The following LRRC4C variants were observed in gnomAD, a reference collection of about 807,000 sequenced individuals.
LRRC4C encodes leucine rich repeat containing 4C.
LRRC4C carries 5 observed loss-of-function variants against 33.6 expected under a neutral mutation model. The ratio of observed to expected loss-of-function variants is 0.15; its 90% CI spans 0.08 to 0.31. The LOEUF (loss-of-function observed/expected upper bound fraction) is 0.31. LRRC4C is among the 10% of genes least tolerant of loss of function. LRRC4C has a pLI of 1.00. For missense variants in LRRC4C, 560 were observed against 796.7 expected, an observed-to-expected ratio of 0.70 and a Z score of 3.58; for synonymous variants, 329 against 302.0, an observed-to-expected ratio of 1.09 and a Z score of -0.93.
intron 3 of LRRC4C, among the ~76,000 whole-genome samples, chr11:40,455,443 A>G (rs1280346907): frequency 6.6e-6 from 1 of 152,128 alleles, no homozygotes; most frequent in Non-Finnish European, 1.5e-5. Flanking sequence ...AATATTCCCA[A>G]AGTGTACTTC....
chr11:41,345,472 T>C (rs1218280262), intron 1 of LRRC4C, among the ~76,000 whole-genome samples: 1 of 152,242 alleles, frequency 6.6e-6, no homozygotes, highest in Non-Finnish European at 1.5e-5. Context: ...GTGATCATAG[T>C]TTGTAGGATC....
intron 3 of LRRC4C, among the ~76,000 whole-genome samples, chr11:40,590,590 T>C (rs1482743473): frequency 1.3e-5 from 2 of 152,132 alleles, no homozygotes; most frequent in African/African-American, 4.8e-5. Context: ...TGTTCTGTTT[T>C]TTCCCCATCT....
At chr11:41,410,129 T>A (rs1954405943) in intron 1 of LRRC4C, among the ~76,000 whole-genome samples, 1 of 152,206 alleles carries the variant, frequency 6.6e-6, no homozygotes, top group Admixed American at 6.5e-5. Flanking sequence ...CTTTATTTAT[T>A]CTGCACCGGC....
At chr11:40,808,029 T>C (rs1405869659) in intron 2 of LRRC4C, among the ~76,000 whole-genome samples, 2 of 152,162 alleles carry the variant, frequency 1.3e-5, no homozygotes, top group Admixed American at 6.5e-5. Context: ...AGTGACTTAA[T>C]AACCTGTGTC....
chr11:41,236,263 G>A (rs915804365), intron 1 of LRRC4C, among the ~76,000 whole-genome samples: 1 of 152,006 alleles, frequency 6.6e-6, no homozygotes, highest in African/African-American at 2.4e-5. Context: ...ATCTCTATCA[G>A]ACCAGCCTGA....
intron 1 of LRRC4C, among the ~76,000 whole-genome samples, chr11:41,438,707 T>A (rs1399609120): frequency 6.6e-6 from 1 of 152,192 alleles, no homozygotes; most frequent in Non-Finnish European, 1.5e-5. Context: ...CGTCAGCTTT[T>A]CCAATCTTAT....
chr11:41,287,541 G>A (rs1008566532), intron 1 of LRRC4C, among the ~76,000 whole-genome samples: 6 of 152,162 alleles, frequency 3.9e-5, no homozygotes, highest in Admixed American at 2.0e-4. Flanking sequence ...TTCTTTTTCA[G>A]TAGAAAACTA....
chr11:40,814,189 C>T (rs866527811), intron 2 of LRRC4C, among the ~76,000 whole-genome samples: 2 of 152,200 alleles, frequency 1.3e-5, no homozygotes, highest in Non-Finnish European at 1.5e-5. Context: ...CAAGTTGCTG[C>T]CTGAACATTC....
At chr11:41,239,008 T>A (rs1444253651) in intron 1 of LRRC4C, among the ~76,000 whole-genome samples, 2 of 151,908 alleles carry the variant, frequency 1.3e-5, no homozygotes, top group Non-Finnish European at 2.9e-5. Flanking sequence ...AGGAAAGGAT[T>A]CTTTGTTAAA....
At chr11:40,947,198 C>A (rs1958442939) in intron 1 of LRRC4C, among the ~76,000 whole-genome samples, 1 of 152,014 alleles carries the variant, frequency 6.6e-6, no homozygotes, top group African/African-American at 2.4e-5. Context: ...TTATGTTGAA[C>A]AGTTTTGGCT....
chr11:40,846,582 C>T (rs936121492), intron 2 of LRRC4C, among the ~76,000 whole-genome samples: 9 of 152,036 alleles, frequency 5.9e-5, no homozygotes, highest in African/African-American at 2.2e-4. Flanking sequence ...TTGCTGTAGC[C>T]TTGTAACCTG....
chr11:41,417,931 T>C (rs1461975889), intron 1 of LRRC4C, among the ~76,000 whole-genome samples: 1 of 148,238 alleles, frequency 6.7e-6, no homozygotes, highest in Non-Finnish European at 1.5e-5. Context: ...TGTGTGTGTG[T>C]GCATATATAT....
In LRRC4C at chr11:40,759,869, A is replaced by C. The variant is rs546403250; in HGVS notation, c.-406-111591T>G. 3.9e-5 allele frequency among the ~76,000 whole-genome samples: 6 copies of C among 152,030 alleles called. No homozygotes were observed. In the East Asian group the frequency reaches 9.7e-4, roughly 25 times the overall value. ...TTATCTTTGTTGAAAGTCGGGAATT[A>C]GAAAACCTATATGCACTGAGAGTTA... On this transcript the variant is annotated intron_variant, in intron 2 of 6. Coordinates refer to ENST00000528697, the MANE Select transcript of LRRC4C (RefSeq NM_001258419.2).
chr11:41,209,825 T>C, intron 1 of LRRC4C, among the ~76,000 whole-genome samples: 1 of 152,088 alleles, frequency 6.6e-6, no homozygotes, highest in East Asian at 1.9e-4. Context: ...CCAGAATTCA[T>C]GTATTGAAGC....
At chr11:40,761,898 G>A (rs183859607) in intron 2 of LRRC4C, among the ~76,000 whole-genome samples, 1 of 152,064 alleles carries the variant, frequency 6.6e-6, no homozygotes, top group Non-Finnish European at 1.5e-5. Context: ...TTTTTGGTAG[G>A]AGAAGGCGCT....
intron 6 of LRRC4C, among the ~76,000 whole-genome samples, chr11:40,136,527 C>T (rs1000784944): frequency 2.0e-5 from 3 of 151,688 alleles, no homozygotes; most frequent in South Asian, 2.1e-4. Flanking sequence ...CCGCCCACCT[C>T]GGCCTCCCAA....
At chr11:40,174,784 T>C (rs189290755) in intron 5 of LRRC4C, among the ~76,000 whole-genome samples, 21 of 152,348 alleles carry the variant, frequency 1.4e-4, no homozygotes. Context: ...TTATGGTTGA[T>C]ACAGTATTTT....
intron 5 of LRRC4C, among the ~76,000 whole-genome samples, chr11:40,173,142 C>T (rs779483196): frequency 5.2e-4 from 79 of 152,138 alleles, no homozygotes; most frequent in African/African-American, 1.8e-3. Context: ...TCTGATGGCA[C>T]CTTGACTTTG....
At chr11:41,061,136 T>C (rs912855400) in intron 1 of LRRC4C, among the ~76,000 whole-genome samples, 11 of 152,196 alleles carry the variant, frequency 7.2e-5, no homozygotes, top group Non-Finnish European at 1.5e-4. Flanking sequence ...GCTGTACTTA[T>C]CATACTATAT....
Sources: allele counts gnomAD v4.1 joint callset (sites outside exome capture counted in the v4.1 genomes callset), GRCh38; gene constraint gnomAD v4.1.1; transcripts MANE v1.5; gene names NCBI Gene and HGNC (gene_info 2026-07-23, HGNC 2026-07-21).